CALN1: variants seen among roughly 807,000 people sequenced by gnomAD.
CALN1 encodes the protein calcium-binding protein 8.
Under a neutral mutation model 30.6 loss-of-function variants are expected in CALN1, and 17 were observed. The ratio of observed to expected loss-of-function variants is 0.56; its 90% confidence interval spans 0.38 to 0.83. The LOEUF (loss-of-function observed/expected upper bound fraction) is 0.83, where lower values mean the gene tolerates loss of function less well. CALN1 is among the 40% of genes least tolerant of loss of function. The pLI, the probability that CALN1 is intolerant of heterozygous loss-of-function variation, is 0.00. For missense variants in CALN1, 291 were observed against 354.9 expected (o/e 0.82, Z 1.45); for synonymous variants, 156 against 131.4 (o/e 1.19, Z -1.28).
chr7:72,402,627 G>A (rs773379223), intron 2 of CALN1, among the ~76,000 whole-genome samples: 2 of 152,112 alleles, frequency 1.3e-5, no homozygotes, highest in African/African-American at 2.4e-5. Context: ...GGTCTCCGAG[G>A]AAAAGAAAAA....
intron 3 of CALN1, among the ~76,000 whole-genome samples, chr7:72,234,977 T>G (rs1300303713): frequency 6.6e-6 from 1 of 152,062 alleles, no homozygotes; most frequent in African/African-American, 2.4e-5. Flanking sequence ...AGATAAAAAC[T>G]TATAAAACAG....
chr7:72,000,183 G>A (rs1799457086), intron 5 of CALN1, among the ~76,000 whole-genome samples: 1 of 151,822 alleles, frequency 6.6e-6, no homozygotes, highest in Non-Finnish European at 1.5e-5. Flanking sequence ...TAAGCTAAGA[G>A]CAGAAAACAA....
chr7:72,501,370 T>TAAAAAAAAAAAAAAAAAAAAA, the CALN1 span, among the ~76,000 whole-genome samples: 1 of 42,798 alleles, frequency 2.3e-5, no homozygotes, highest in Non-Finnish European at 3.9e-5. Context: ...ACGTCTCTAT[T>TAAAAAAAAAAAAAAAAAAAAA]AAAAAAAAAA....
intron 4 of CALN1, among the ~76,000 whole-genome samples, chr7:72,094,273 A>AT (rs34777600): frequency 0.25 from 37,552 of 150,960 alleles, 5,574 homozygotes; most frequent in East Asian, 0.68. Flanking sequence ...ACATACCAGA[A>AT]TTTTTTTTTT....
At chr7:72,350,989 A>G (rs1008192388) in intron 2 of CALN1, among the ~76,000 whole-genome samples, 2 of 151,858 alleles carry the variant, frequency 1.3e-5, no homozygotes, top group Non-Finnish European at 1.5e-5. Flanking sequence ...AAAAACACAA[A>G]AATGAGCTGG....
intron 3 of CALN1, among the ~76,000 whole-genome samples, chr7:72,119,249 TC>T: frequency 6.6e-6 from 1 of 152,020 alleles, no homozygotes; most frequent in East Asian, 1.9e-4. Flanking sequence ...TGGGGAGGCC[TC>T]ACAATCATGG....
chr7:71,983,720 C>T (rs866156392), intron 5 of CALN1, among the ~76,000 whole-genome samples: 2 of 152,084 alleles, frequency 1.3e-5, no homozygotes, highest in Non-Finnish European at 1.5e-5. Flanking sequence ...TTAGTAGAAA[C>T]GGGGTTTCGC....
In CALN1 at chr7:71,948,671, C is replaced by T. The variant is rs189004007; in HGVS notation, c.501+74986G>A. ...GCTTGAACACAGGAGGTAGAGATTG[C>T]AGTGAGCCAAGATCATGCCACTGCA... is the stretch of plus-strand genomic sequence containing the variant. On this transcript the variant is annotated intron_variant, in intron 5 of 6. Coordinates refer to ENST00000395275, the MANE Select transcript of CALN1 (RefSeq NM_031468.4). Among the ~76,000 whole-genome samples the T allele has an allele frequency of 1.5e-3, 220 of 149,132 alleles. 1 individual carries two copies. Among genetic ancestry groups the T allele is most frequent in the Admixed American group, 2.4e-3 (36 of 14,804 alleles).
At chr7:72,344,616 GTATA>G (rs2129558955) in intron 2 of CALN1, among the ~76,000 whole-genome samples, 1 of 142,454 alleles carries the variant, frequency 7.0e-6, no homozygotes, top group South Asian at 2.2e-4. Context: ...TGTATTTTAT[GTATA>G]TATAAATTTA....
chr7:72,369,325 T>C (rs551669885), intron 2 of CALN1, among the ~76,000 whole-genome samples: 99 of 146,786 alleles, frequency 6.7e-4, no homozygotes, highest in African/African-American at 2.3e-3. Context: ...ATTTATAATA[T>C]ATATAATTTA....
At chr7:71,971,698 G>C (rs1473540545) in intron 5 of CALN1, among the ~76,000 whole-genome samples, 1 of 151,494 alleles carries the variant, frequency 6.6e-6, no homozygotes, top group Non-Finnish European at 1.5e-5. Flanking sequence ...GGGACTTTGA[G>C]AACAGCCCGG....
chr7:72,202,438 T>C (rs1791507072), intron 3 of CALN1, among the ~76,000 whole-genome samples: 1 of 152,184 alleles, frequency 6.6e-6, no homozygotes, highest in Non-Finnish European at 1.5e-5. Context: ...AGAAAAATCA[T>C]GTTCTATAAA....
At chr7:72,085,438 A>G (rs1241619840) in intron 4 of CALN1, among the ~76,000 whole-genome samples, 1 of 152,162 alleles carries the variant, frequency 6.6e-6, no homozygotes, top group Non-Finnish European at 1.5e-5. Context: ...ATCATTAGTT[A>G]TTGTAATCTC....
At chr7:72,423,943 AAAG>A (rs1403518193) in intron 1 of CALN1, among the ~76,000 whole-genome samples, 1 of 131,510 alleles carries the variant, frequency 7.6e-6, no homozygotes, top group Non-Finnish European at 1.6e-5. Context: ...GAAGAGAAAG[AAAG>A]AAAGAAGGGA....
intron 3 of CALN1, among the ~76,000 whole-genome samples, chr7:72,205,551 A>AAATATATACATATACATATATATATATAT: frequency 1.2e-5 from 1 of 83,050 alleles, no homozygotes; most frequent in South Asian, 4.8e-4. Context: ...GCAAAAAAAA[A>AAATATATACATATACATATATATATATAT]ATATATATAT....
chr7:72,255,731 A>ATTTT (rs10536438), intron 3 of CALN1, among the ~76,000 whole-genome samples: 3 of 137,584 alleles, frequency 2.2e-5, no homozygotes, highest in East Asian at 4.5e-4. Flanking sequence ...CACTTAAATA[A>ATTTT]TTTTTTTTTT....
chr7:72,462,722 T>C, the CALN1 span, among the ~76,000 whole-genome samples: 1 of 152,148 alleles, frequency 6.6e-6, no homozygotes, highest in Admixed American at 6.5e-5. Flanking sequence ...ATGCACTCCC[T>C]TTTTCCCCAG....
chr7:72,077,304 C>T (rs936305723), intron 4 of CALN1, among the ~76,000 whole-genome samples: 2 of 151,138 alleles, frequency 1.3e-5, no homozygotes, highest in African/African-American at 4.9e-5. Flanking sequence ...GACGGAGTCT[C>T]GCTCTGTCGC....
At chr7:71,816,302 G>A (rs1324133871) in intron 5 of CALN1, among the ~76,000 whole-genome samples, 1 of 152,104 alleles carries the variant, frequency 6.6e-6, no homozygotes, top group Non-Finnish European at 1.5e-5. Context: ...AGAGTTTAAC[G>A]ATCCTAGACA....
Sources: allele counts gnomAD v4.1 joint callset (sites outside exome capture counted in the v4.1 genomes callset), GRCh38; gene constraint gnomAD v4.1.1; transcripts MANE v1.5; gene names NCBI Gene and HGNC (gene_info 2026-07-23, HGNC 2026-07-21).